PTPRG: variants seen among roughly 807,000 people sequenced by gnomAD.
PTPRG encodes protein tyrosine phosphatase receptor type G, also known as receptor-type tyrosine-protein phosphatase gamma.
In PTPRG, 102 loss-of-function variants were observed where a neutral mutation model predicts 165.3. The ratio of observed to expected loss-of-function variants is 0.62; its 90% confidence interval spans 0.53 to 0.73. The LOEUF is 0.73. PTPRG is among the 30% of genes least tolerant of loss of function. PTPRG has a pLI of 0.00. For missense variants in PTPRG, 1,866 were observed against 1,861.4 expected, an observed-to-expected ratio of 1.00 and a Z score of -0.05; for synonymous variants, 675 against 669.5, an observed-to-expected ratio of 1.01 and a Z score of -0.13.
At chr3:61,898,992 T>G (rs1201003910) in intron 2 of PTPRG, among the ~76,000 whole-genome samples, 1 of 152,166 alleles carries the variant, frequency 6.6e-6, no homozygotes, top group East Asian at 1.9e-4. Flanking sequence ...CACTGTAGCC[T>G]TGAGTTCTTG....
At chr3:61,659,388 GAGA>G (rs1702598676) in intron 1 of PTPRG, 1 of 985,114 alleles carries the variant, frequency 1.0e-6, no homozygotes, top group Non-Finnish European at 1.2e-6. Context: ...TGCTTCACTG[GAGA>G]AGAAGATAGT....
Position 61,857,373 on chromosome 3 carries a change from G to A in PTPRG, c.190+108391G>A, listed in dbSNP as rs904319206. On this transcript the variant is annotated intron_variant, in intron 2 of 29. Transcript: ENST00000474889. ...GCTCCCACAGCAACATTCAACAACT[G>A]GTAGTGGCTCTCTACAGCACCATGT... 1.4e-4 allele frequency among the ~76,000 whole-genome samples: 22 copies of A among 152,080 alleles called. 1 individual carries two copies. The highest frequency in any genetic ancestry group is 1.1e-3 in the Admixed American group (17 of 15,250).
intron 1 of PTPRG, among the ~76,000 whole-genome samples, chr3:61,679,688 C>T (rs910458055): frequency 2.6e-5 from 4 of 151,888 alleles, no homozygotes; most frequent in Admixed American, 6.6e-5. Flanking sequence ...AGCTGAGGCA[C>T]GAGAATTACT....
chr3:62,073,552 C>T (rs564586852), intron 4 of PTPRG, among the ~76,000 whole-genome samples: 2 of 152,138 alleles, frequency 1.3e-5, no homozygotes, highest in East Asian at 3.9e-4. Flanking sequence ...AATCTCGGCT[C>T]ACCACAACCT....
At chr3:61,778,094 T>C (rs2034438275) in intron 2 of PTPRG, among the ~76,000 whole-genome samples, 1 of 152,122 alleles carries the variant, frequency 6.6e-6, no homozygotes, top group Non-Finnish European at 1.5e-5. Context: ...TTGTTATTGG[T>C]AGAGGGTCTC....
intron 4 of PTPRG, among the ~76,000 whole-genome samples, chr3:62,064,478 A>G (rs1700936568): frequency 7.1e-6 from 1 of 141,646 alleles, no homozygotes; most frequent in Non-Finnish European, 1.6e-5. Context: ...CAGTCTCCCA[A>G]ATTAGTGCCT....
At chr3:61,713,164 GTT>G (rs71100971) in intron 1 of PTPRG, among the ~76,000 whole-genome samples, 5 of 111,788 alleles carry the variant, frequency 4.5e-5, no homozygotes, top group Admixed American at 9.0e-5. Context: ...CATCAAATAT[GTT>G]TTTTTTTTTT....
intron 1 of PTPRG, among the ~76,000 whole-genome samples, chr3:61,590,436 A>G (rs1340199532): frequency 6.6e-6 from 1 of 152,158 alleles, no homozygotes; most frequent in African/African-American, 2.4e-5. Flanking sequence ...AGGCAGGAGA[A>G]TCGCTTGAAC....
chr3:62,182,996 C>T (rs1030908107), intron 8 of PTPRG, among the ~76,000 whole-genome samples: 2 of 152,200 alleles, frequency 1.3e-5, no homozygotes, highest in African/African-American at 4.8e-5. Context: ...TATGTCAGTC[C>T]ACGTGCATTT....
intron 5 of PTPRG, among the ~76,000 whole-genome samples, chr3:62,082,887 A>G (rs1215230320): frequency 8.5e-5 from 13 of 152,218 alleles, no homozygotes; most frequent in Non-Finnish European, 1.5e-5. Context: ...ATAATTTTCC[A>G]TCACATGGTA....
intron 4 of PTPRG, among the ~76,000 whole-genome samples, chr3:62,025,834 A>T (rs1448748322): frequency 6.6e-6 from 1 of 152,224 alleles, no homozygotes; most frequent in East Asian, 1.9e-4. Flanking sequence ...TAGAAGAGAA[A>T]ATCTCTAGCA....
chr3:61,582,828 T>A (rs1700333971), intron 1 of PTPRG, among the ~76,000 whole-genome samples: 1 of 152,198 alleles, frequency 6.6e-6, no homozygotes, highest in South Asian at 2.1e-4. Flanking sequence ...GCACTTTGCT[T>A]CGGGTTTTGG....
At chr3:62,286,158 G>A (rs1389630843) in intron 28 of PTPRG, among the ~76,000 whole-genome samples, 1 of 152,258 alleles carries the variant, frequency 6.6e-6, no homozygotes, top group East Asian at 1.9e-4. Flanking sequence ...TCTAAAGACT[G>A]CTGAGATATT....
intron 1 of PTPRG, chr3:61,742,464 G>T: frequency 6.4e-7 from 1 of 1,555,658 alleles, no homozygotes. Flanking sequence ...CTTAATATAG[G>T]CGCTGGGGCT....
Position 62,228,481 on chromosome 3 carries a change from T to C in PTPRG, c.2289-2744T>C, listed in dbSNP as rs1337514737. Among the ~76,000 whole-genome samples, 1 of 145,886 alleles carries C rather than the reference T, an allele frequency of 6.9e-6. No homozygotes were observed. The highest frequency in any genetic ancestry group is 1.5e-5 in the Non-Finnish European group (1 of 67,014). ...GTAGGTGGAGATCACGCCATTGCAC[T>C]CCAGCCTGGGCAACAGAGCAAAACT... On this transcript the variant is annotated intron_variant, in intron 13 of 29. Transcript: ENST00000474889. The surrounding 1 kb of genome is among the most constrained non-coding windows in gnomAD (Gnocchi z 4.1).
intron 12 of PTPRG, among the ~76,000 whole-genome samples, chr3:62,218,173 C>A (rs1192438521): frequency 2.0e-5 from 3 of 152,068 alleles, no homozygotes; most frequent in Non-Finnish European, 2.9e-5. Flanking sequence ...GTCTTAGAGT[C>A]GGTGGTTGAG....
intron 4 of PTPRG, among the ~76,000 whole-genome samples, chr3:62,033,068 A>G (rs144797892): frequency 3.7e-4 from 57 of 152,218 alleles, no homozygotes; most frequent in Middle Eastern, 3.4e-3. Context: ...TGCCCTATAA[A>G]AGTATTATAT....
At position 61,809,273 on chromosome 3, in the gene PTPRG, C is replaced by T. The variant is rs116264631; in HGVS notation, c.190+60291C>T. On this transcript the variant is annotated intron_variant, in intron 2 of 29. Transcript: ENST00000474889. ...AGTAAGGTATAATTATATTACCATA[C>T]TAGAAGTAGGAAGGATTAAAAGAAG... 5.1e-3 allele frequency among the ~76,000 whole-genome samples: 780 copies of T among 151,690 alleles called. 8 individuals carry two copies. Among genetic ancestry groups the T allele is most frequent in the Non-Finnish European group, 9.0e-3 (611 of 67,924 alleles).
chr3:62,167,694 A>T (rs1178548350), intron 7 of PTPRG, among the ~76,000 whole-genome samples: 3 of 152,144 alleles, frequency 2.0e-5, no homozygotes, highest in Non-Finnish European at 4.4e-5. Flanking sequence ...GGACTCTCTC[A>T]TGGGAGGCAC....
Sources: gnomAD v4.1 joint callset for allele counts (sites outside exome capture counted in the v4.1 genomes callset) on GRCh38, gnomAD v4.1.1 for gene constraint, Gnocchi (gnomAD v3.1) non-coding constraint, MANE v1.5 for transcripts, NCBI Gene and HGNC (gene_info 2026-07-23, HGNC 2026-07-21) for gene names.